DCC: variants seen among roughly 807,000 people sequenced by gnomAD.
DCC encodes the protein netrin receptor DCC.
DCC carries 58 observed loss-of-function variants against 172.5 expected under a neutral mutation model. The observed-to-expected ratio is 0.34, with a 90% CI of 0.27 to 0.42. The LOEUF is 0.42. Ranked by LOEUF, DCC falls within the 10% of genes least tolerant of loss-of-function variation. The pLI, the probability that DCC is intolerant of heterozygous loss-of-function variation, is 1.00. For missense variants in DCC, 1,740 were observed against 1,791.0 expected (o/e 0.97, Z 0.51); for synonymous variants, 709 against 644.5 (o/e 1.10, Z -1.52).
intron 1 of DCC, among the ~76,000 whole-genome samples, chr18:52,684,847 C>CTTATGTT (rs2144998609): frequency 6.6e-6 from 1 of 152,216 alleles, no homozygotes; most frequent in African/African-American, 2.4e-5. Context: ...TCTAAGTGAA[C>CTTATGTT]TTATGTTTTT....
At chr18:52,480,396 C>T (rs570429009) in intron 1 of DCC, among the ~76,000 whole-genome samples, 14 of 151,620 alleles carry the variant, frequency 9.2e-5, no homozygotes, top group Middle Eastern at 3.4e-3. Flanking sequence ...CTAGAACATA[C>T]GTTTTCTTCA....
intron 1 of DCC, among the ~76,000 whole-genome samples, chr18:52,464,824 C>T (rs996734632): frequency 2.6e-5 from 4 of 151,688 alleles, no homozygotes; most frequent in African/African-American, 7.3e-5. Flanking sequence ...GCGACTTTTT[C>T]CTGGAGCAAC....
At chr18:52,912,585 C>T (rs1231090880) in intron 3 of DCC, among the ~76,000 whole-genome samples, 1 of 151,958 alleles carries the variant, frequency 6.6e-6, no homozygotes, top group East Asian at 1.9e-4. Context: ...CCTTTCTTTA[C>T]CTCTCCAGTA....
chr18:53,152,907 C>T (rs771963198), intron 7 of DCC, among the ~76,000 whole-genome samples: 5 of 152,228 alleles, frequency 3.3e-5, no homozygotes, highest in Middle Eastern at 3.4e-3. Context: ...GTAAAGAGTC[C>T]GTGATTAATT....
rs151002185 is a variant in DCC at position 53,017,842 on chromosome 18, A to G, written c.986-45463A>G. On this transcript the variant is annotated intron_variant, in intron 5 of 28. Coordinates refer to ENST00000442544, the MANE Select transcript of DCC (RefSeq NM_005215.4). ...TTATACATACTACTGCAGGTTCCGTAAAGTTGTTTCTAATGTAGATTTCGC... is the reference window on the plus strand; with the variant it reads ...TTATACATACTACTGCAGGTTCCGTGAAGTTGTTTCTAATGTAGATTTCGC... Among the ~76,000 whole-genome samples, 180 of 152,328 alleles carry G rather than the reference A, an allele frequency of 1.2e-3. 3 individuals are homozygous for G. The highest frequency in any genetic ancestry group is 4.0e-3 in the African/African-American group (168 of 41,574).
intron 12 of DCC, among the ~76,000 whole-genome samples, chr18:53,260,188 C>A (rs892992360): frequency 3.3e-5 from 5 of 152,082 alleles, no homozygotes; most frequent in African/African-American, 1.2e-4. Flanking sequence ...CGTCTGAAGC[C>A]TTCTTCTCTC....
At chr18:52,902,627 TA>T (rs2039826209) in intron 2 of DCC, among the ~76,000 whole-genome samples, 1 of 152,218 alleles carries the variant, frequency 6.6e-6, no homozygotes, top group Non-Finnish European at 1.5e-5. Flanking sequence ...CATTACTAGA[TA>T]TTCATGCACA....
At position 53,522,583 on chromosome 18, in the gene DCC, G is replaced by A. The variant is rs2046411279; in HGVS notation, c.4112-4034G>A. On this transcript the variant is annotated intron_variant, in intron 27 of 28. Transcript: ENST00000442544. The stretch of plus-strand genomic sequence containing the variant: ...TACCAAAACAGAGATATAAACCAAT[G>A]GAACAGAACAGAGGTCTCAGAAACA... 2.6e-5 allele frequency among the ~76,000 whole-genome samples: 4 copies of A among 152,052 alleles called. 1 individual carries two copies. The South Asian group carries it at 8.3e-4, about 31-fold the overall frequency.
intron 1 of DCC, among the ~76,000 whole-genome samples, chr18:52,405,530 GACAA>G (rs1986610524): frequency 6.6e-6 from 1 of 151,306 alleles, no homozygotes; most frequent in South Asian, 2.1e-4. Context: ...ACCAACAACA[GACAA>G]ACAGAGAGCC....
At chr18:52,853,462 C>T (rs35002729) in intron 2 of DCC, among the ~76,000 whole-genome samples, 33,604 of 152,116 alleles carry the variant, frequency 0.22, 4,541 homozygotes, top group Admixed American at 0.31. Flanking sequence ...TTTTATGAAA[C>T]GGTACACTTT....
At chr18:52,801,518 C>T (rs1191636156) in intron 2 of DCC, among the ~76,000 whole-genome samples, 1 of 152,106 alleles carries the variant, frequency 6.6e-6, no homozygotes, top group Non-Finnish European at 1.5e-5. Context: ...AGAAGATTGC[C>T]TTAGTCAAAT....
At chr18:53,094,230 G>T (rs1190623175) in intron 7 of DCC, among the ~76,000 whole-genome samples, 3 of 152,274 alleles carry the variant, frequency 2.0e-5, no homozygotes, top group African/African-American at 7.2e-5. Flanking sequence ...AATAAAACTT[G>T]TATTGCTTTA....
chr18:52,506,915 G>C (rs556488131), intron 1 of DCC, among the ~76,000 whole-genome samples: 1 of 152,170 alleles, frequency 6.6e-6, no homozygotes, highest in African/African-American at 2.4e-5. Context: ...TTGTAGCATT[G>C]ATATTTTAAA....
intron 10 of DCC, among the ~76,000 whole-genome samples, chr18:53,206,462 TTA>T (rs1372720079): frequency 1.5e-5 from 2 of 132,066 alleles, no homozygotes; most frequent in Non-Finnish European, 3.1e-5. Context: ...TATGTATGTG[TTA>T]TATATAGTAT....
rs192728179 is a variant in DCC, at chr18:53,340,292, A to T, written c.2359+385A>T. 3.3e-3 allele frequency among the ~76,000 whole-genome samples: 503 copies of T among 152,274 alleles called. 2 individuals are homozygous for T. Among genetic ancestry groups the T allele is most frequent in the Middle Eastern group, 0.01 (3 of 294 alleles). Reference sequence around the variant, plus strand: ...TAAAAAGAAAGTCAACACATTTTTCATCTTTGTTGTTGTCACTGGGAAAAT... The same window carrying T: ...TAAAAAGAAAGTCAACACATTTTTCTTCTTTGTTGTTGTCACTGGGAAAAT... On this transcript the variant is annotated intron_variant, in intron 15 of 28. Coordinates refer to ENST00000442544, the MANE Select transcript of DCC (RefSeq NM_005215.4).
At chr18:52,967,525 G>C (rs2040954809) in intron 5 of DCC, among the ~76,000 whole-genome samples, 1 of 152,112 alleles carries the variant, frequency 6.6e-6, no homozygotes, top group Non-Finnish European at 1.5e-5. Flanking sequence ...TGTGCTAATA[G>C]GAATTTGCAC....
chr18:52,405,594 C>A (rs1218781954), intron 1 of DCC, among the ~76,000 whole-genome samples: 3 of 150,882 alleles, frequency 2.0e-5, no homozygotes, highest in Non-Finnish European at 3.0e-5. Flanking sequence ...GAATAAAATA[C>A]CTAGGAATCC....
intron 2 of DCC, among the ~76,000 whole-genome samples, chr18:52,759,578 T>G (rs2037127481): frequency 2.6e-5 from 4 of 152,134 alleles, no homozygotes; most frequent in Admixed American, 2.6e-4. Flanking sequence ...GTAATGAAAA[T>G]GCAAGAGAAA....
At chr18:53,241,385 C>T (rs1468148207) in intron 12 of DCC, among the ~76,000 whole-genome samples, 3 of 152,116 alleles carry the variant, frequency 2.0e-5, no homozygotes, top group Admixed American at 2.0e-4. Flanking sequence ...CCATTCTCCC[C>T]AGTCCTGCTT....
Sources: allele counts gnomAD v4.1 joint callset (sites outside exome capture counted in the v4.1 genomes callset), GRCh38; gene constraint gnomAD v4.1.1; transcripts MANE v1.5; gene names NCBI Gene and HGNC (gene_info 2026-07-23, HGNC 2026-07-21).